Variants in NACA observed in about 807,000 individuals in gnomAD.
The protein encoded by NACA is nascent polypeptide associated complex subunit alpha.
Under a neutral mutation model 86.4 loss-of-function variants are expected in NACA, and 42 were observed. That is an observed-to-expected ratio of 0.49 (90% CI 0.38 to 0.63). The LOEUF (loss-of-function observed/expected upper bound fraction) is 0.63, where lower values mean the gene tolerates loss of function less well. Ranked by LOEUF, NACA falls within the 20% of genes least tolerant of loss-of-function variation. The probability of loss-of-function intolerance (pLI) is 0.00; values close to 1 mark genes in which losing one functional copy is unlikely to be tolerated. For missense variants in NACA, 2,157 were observed against 2,483.6 expected (o/e 0.87, Z 2.80); for synonymous variants, 898 against 973.7 (o/e 0.92, Z 1.45).
At chr12:56,724,883 G>A (rs984092033) in intron 1 of NACA, 8 of 246,438 alleles carry the variant, frequency 3.2e-5, no homozygotes, top group Non-Finnish European at 4.8e-5. Context: ...ACCAGGAGGG[G>A]AAAGACGGTG....
At position 56,719,208 on chromosome 12, in the gene NACA, G is replaced by T; in HGVS notation, c.2322C>A (p.Asp774Glu). The change falls in exon 3 of 9, where the codon GAC becomes GAA. Residue 774 changes from aspartate to glutamate, a missense_variant. Asp to Glu is a conservative substitution (Grantham distance 45). Transcript: ENST00000454682. Reference protein sequence around the residue: ...ASSPKECPTEDSGASATASSK... With the variant: ...ASSPKECPTEESGASATASSK... ...AAGATGCAGTAGCAGAAGCACCAGA[G>T]TCCTCAGTTGGGCACTCTTTGGGAG... 7.4e-6 allele frequency: 11 copies of T among 1,491,492 alleles called. No individual in the cohort carries two copies. Among genetic ancestry groups the T allele is most frequent in the Non-Finnish European group, 9.1e-6 (10 of 1,101,292 alleles). 92.4% of individuals were successfully genotyped at this position (1,491,492 alleles called of 1,614,324 possible). A position where few individuals can be genotyped will look rare whatever the true frequency, so the allele number is the denominator to read the frequency against.
At chr12:56,724,116 G>T (rs375346587) in intron 2 of NACA, among the ~76,000 whole-genome samples, 1 of 152,310 alleles carries the variant, frequency 6.6e-6, no homozygotes. Context: ...TCCTTGGCCT[G>T]TGTCATCTAG....
chr12:56,724,332 C>A lies in NACA; in HGVS notation c.70+120G>T. ...CCAGGATAGTAATTTTACGGTCTAT[C>A]CTCCTTGGTAAAGCTGCAACCCCAT... On this transcript the variant is annotated intron_variant, in intron 2 of 8. Transcript: ENST00000454682. 5.4e-6 allele frequency: 5 copies of A among 923,620 alleles called. No homozygotes were observed. The South Asian group carries it at 8.7e-5, about 16-fold the overall frequency. 57.2% of individuals were successfully genotyped at this position (923,620 alleles called of 1,614,324 possible). A position where few individuals can be genotyped will look rare whatever the true frequency, so the allele number is the denominator to read the frequency against.
At chr12:56,724,669 CTGGGAATAAGAGGTAAATATGATG>C in intron 1 of NACA, 146 bp from the exon 2 acceptor site, 1 of 768,416 alleles carries the variant, frequency 1.3e-6, no homozygotes, top group Non-Finnish European at 2.1e-6. Flanking sequence ...CCCAAAGCAC[CTGGGAATAAGAGGTAAATATGATG>C]TGACCCTCAC....
In NACA at chr12:56,720,679, G is replaced by A. The variant is rs774966977; in HGVS notation, c.851C>T (p.Pro284Leu). 1.9e-6 allele frequency: 3 copies of A among 1,613,954 alleles called. No homozygotes were observed. The highest frequency in any genetic ancestry group is 2.5e-6 in the Non-Finnish European group (3 of 1,179,890). The part of the protein sequence containing the change: ...AALSLSTQSL[P>L]VVTSSQKTAG... ...AGTCTTTTGAGAAGAGGTCACCACA[G>A]GAAGAGACTGAGTTGAAAGAGATAA... The change falls in exon 3 of 9, where the codon CCT (proline) becomes CTT (leucine). Residue 284 changes from proline to leucine, a missense_variant. Coordinates refer to ENST00000454682, the MANE Select transcript of NACA (RefSeq NM_001365896.1).
intron 7 of NACA, 73 bp downstream of exon 7, chr12:56,712,986 GTTT>G: frequency 6.2e-7 from 1 of 1,611,248 alleles, no homozygotes; most frequent in Non-Finnish European, 8.5e-7. Context: ...CCTGAATCTA[GTTT>G]TTAATATAGC....
chr12:56,719,925 T>C lies in NACA; in HGVS notation c.1605A>G (p.Val535=), dbSNP rs200816397. ...KFPTQKDLQT[V]PASLEGAPFS... ...AAGGGGCTCCTTCAAGAGAGGCAGG[T>C]ACAGTTTGGAGGTCTTTTTGTGTTG... The change falls in exon 3 of 9, where the codon GTA becomes GTG. Residue 535 remains valine (V), a synonymous_variant. Coordinates refer to ENST00000454682, the MANE Select transcript of NACA (RefSeq NM_001365896.1). 1.3e-6 allele frequency: 2 copies of C among 1,572,892 alleles called. No individual in the cohort carries two copies. The highest frequency in any genetic ancestry group is 1.7e-6 in the Non-Finnish European group (2 of 1,159,330).
Position 56,724,527 on chromosome 12 carries a change from A to T in NACA, c.-2-4T>A. 1 of 1,611,266 alleles carries T rather than the reference A, an allele frequency of 6.2e-7. No homozygotes were observed. The highest frequency in any genetic ancestry group is 8.5e-7 in the Non-Finnish European group (1 of 1,178,794). On this transcript the variant is annotated splice_region_variant and splice_polypyrimidine_tract_variant and intron_variant, in intron 1 of 8. Transcript: ENST00000454682. The stretch of plus-strand genomic sequence containing the variant: ...TCTGTGGCTTCGCCGGGCATTTCTG[A>T]AGGAAGGGAATAAAAAGGAGGCCTA...
Position 56,720,354 on chromosome 12 carries a change from G to C in NACA, c.1176C>G (p.Thr392=). 3.1e-6 allele frequency: 5 copies of C among 1,613,884 alleles called. No homozygotes were observed. Among genetic ancestry groups the C allele is most frequent in the Non-Finnish European group, 4.2e-6 (5 of 1,179,860 alleles). Residue 392 remains threonine, a synonymous_variant, in exon 3 of 9, where the codon ACC becomes ACG. Transcript: ENST00000454682. ...CATTTAAGGAGCCAGAAGGGCTGCA[G>C]GTTATGCTAGAGATGGTAGAGGGAC... is the stretch of plus-strand genomic sequence containing the variant. The part of the protein sequence containing the change: ...DKGPSTISSI[T]CSPSGSLNVA...
intron 2 of NACA, 64 bp downstream of exon 2, chr12:56,724,388 T>C: frequency 6.6e-7 from 1 of 1,507,872 alleles, no homozygotes; most frequent in Non-Finnish European, 9.0e-7. Context: ...CCCTTGGTCA[T>C]TTTGCCCACC....
intron 6 of NACA, 165 bp downstream of exon 6, chr12:56,713,372 T>C: frequency 8.5e-7 from 1 of 1,181,860 alleles, no homozygotes; most frequent in Non-Finnish European, 1.2e-6. Context: ...AACTAGGGGG[T>C]AGTTAGGTCT....
In NACA at chr12:56,718,902, T is replaced by G. The variant is rs1476571775; in HGVS notation, c.2628A>C (p.Lys876Asn). 7.0e-7 allele frequency: 1 copy of G among 1,432,678 alleles called. No individual in the cohort carries two copies. The highest frequency in any genetic ancestry group is 9.4e-7 in the Non-Finnish European group (1 of 1,064,558). The allele number at this position is 1,432,678 out of a possible 1,614,324, so 88.7% of individuals were successfully genotyped here. Residue 876 changes from lysine (K) to asparagine (N), a missense_variant, in exon 3 of 9, where the codon AAA becomes AAC. Transcript: ENST00000454682. The stretch of plus-strand genomic sequence containing the variant: ...TCTCTTTGGGGGGTAGTGTTACTCC[T>G]TTGGGAGACAGAGGAGTCACAGCTG... The part of the protein sequence containing the change: ...TPSAVTPLSP[K>N]GVTLPPKETP...
rs774210206 is a variant in NACA at position 56,715,941 on chromosome 12, G to A, written c.5589C>T (p.Pro1863=). ...CAGGGATTCCAGCAGATTTAGGGGT[G>A]GGCATGTTGACGAGGACCGACTGGA... ...VPFQSVLVNM[P]TPKSAGIPVP... is the part of the protein sequence containing the mutation. Residue 1863 remains proline, a synonymous_variant, in exon 3 of 9, where the codon CCC becomes CCT. Transcript: ENST00000454682. The A allele has an allele frequency of 2.6e-6, 4 of 1,533,512 alleles. No individual in the cohort carries two copies. In the Admixed American group the frequency reaches 6.3e-5, roughly 24 times the overall value. 95.0% of individuals were successfully genotyped at this position (1,533,512 alleles called of 1,614,324 possible).
rs1953374084 is a variant in NACA, at chr12:56,716,626, C to T, written c.4904G>A (p.Gly1635Glu). The change falls in exon 3 of 9, where the codon GGG becomes GAG. Residue 1635 changes from glycine to glutamate, a missense_variant. Physicochemically the swap from Gly to Glu is moderately conservative, Grantham distance 98. Transcript: ENST00000454682. ...AGTCACAGGTGGGGAAGTGGGAGTC[C>T]CTTTGGGGGCTGGAGTTGCTGGGCC... ...EKGPATPAPK[G>E]TPTSPPVTPS... 2 of 1,447,174 alleles carry T rather than the reference C, an allele frequency of 1.4e-6. No homozygotes were observed. The highest frequency in any genetic ancestry group is 3.7e-5 in the Admixed American group (2 of 54,542). The allele number at this position is 1,447,174 out of a possible 1,614,324, so 89.6% of individuals were successfully genotyped here.
Position 56,720,267 on chromosome 12 carries a change from G to C in NACA, c.1263C>G (p.Ala421=), listed in dbSNP as rs747936397. The C allele has an allele frequency of 7.4e-6, 12 of 1,613,826 alleles. No homozygotes were observed. In the East Asian group the frequency reaches 2.7e-4, roughly 36 times the overall value. ...GGGCCACTAAAGGATAATGATAAGT[G>C]GCATTAGGAGAGCTTTTGAGAATGA... ...TSLILKSSPN[A]TYHYPLVAQM... The change falls in exon 3 of 9, where the codon GCC becomes GCG. Residue 421 remains alanine, a synonymous_variant. Transcript: ENST00000454682.
rs887151970 is a variant in NACA at position 56,716,578 on chromosome 12, G to A, written c.4952C>T (p.Pro1651Leu). The A allele has an allele frequency of 8.2e-6, 12 of 1,456,276 alleles. No homozygotes were observed. The highest frequency in any genetic ancestry group is 4.2e-5 in the African/African-American group (3 of 71,912). 90.2% of individuals were successfully genotyped at this position (1,456,276 alleles called of 1,614,324 possible). A position where few individuals can be genotyped will look rare whatever the true frequency, so the allele number is the denominator to read the frequency against. The part of the protein sequence containing the change: ...PVTPSSLKDS[P>L]TSPASVTCKM... Reference sequence around the variant, plus strand: ...ACATGTGACAGAAGCTGGGGAAGTAGGGGAGTCTTTGAGGGAGGAAGGAGT... The same window carrying A: ...ACATGTGACAGAAGCTGGGGAAGTAAGGGAGTCTTTGAGGGAGGAAGGAGT... Residue 1651 changes from proline (P) to leucine (L), a missense_variant, in exon 3 of 9, where the codon CCT (proline) becomes CTT (leucine). By Grantham distance (98) the Pro-to-Leu change is moderately conservative. Coordinates refer to ENST00000454682, the MANE Select transcript of NACA (RefSeq NM_001365896.1).
Position 56,720,796 on chromosome 12 carries a change from T to C in NACA, c.734A>G (p.Gln245Arg). 1 of 1,613,820 alleles carries C rather than the reference T, an allele frequency of 6.2e-7. No homozygotes were observed. Among genetic ancestry groups the C allele is most frequent in the Admixed American group, 1.7e-5 (1 of 59,998 alleles). The change falls in exon 3 of 9, where the codon CAA becomes CGA. Residue 245 changes from glutamine (Q) to arginine (R), a missense_variant. Gln to Arg is a conservative substitution (Grantham distance 43, BLOSUM62 1). This residue lies in a region of NACA where 947 missense variants were observed against 917.9 expected (regional missense o/e 1.03). Transcript: ENST00000454682. ...TGAGGAAATGGTGGTATCTTTGACTTGAGGGGAAGCGATGGCTAGGGTAGT... is the reference window on the plus strand; with the variant it reads ...TGAGGAAATGGTGGTATCTTTGACTCGAGGGGAAGCGATGGCTAGGGTAGT... Reference protein sequence around the residue: ...PTTTLAIASPQVKDTTISSVL... With the variant: ...PTTTLAIASPRVKDTTISSVL...
Position 56,717,129 on chromosome 12 carries a change from G to A in NACA, c.4401C>T (p.Leu1467=), listed in dbSNP as rs1267598001. The A allele has an allele frequency of 7.8e-7, 1 of 1,283,700 alleles. No homozygotes were observed. Among genetic ancestry groups the A allele is most frequent in the African/African-American group, 1.6e-5 (1 of 64,332 alleles). The allele number at this position is 1,283,700 out of a possible 1,614,324, so 79.5% of individuals were successfully genotyped here. ...ATPSSKGDPT[L]PAVTPPSPKE... ...TGGGGGAAGGAGGAGTCACTGCTGG[G>A]AGGGTGGGATCCCCTTTGGAGGATG... The change falls in exon 3 of 9, where the codon CTC becomes CTT. Residue 1467 remains leucine (L), a synonymous_variant. Coordinates refer to ENST00000454682, the MANE Select transcript of NACA (RefSeq NM_001365896.1).
chr12:56,721,516 G>C, intron 2 of NACA, 57 bp from the exon 3 acceptor site: 4 of 1,218,012 alleles, frequency 3.3e-6, no homozygotes, highest in Non-Finnish European at 4.5e-6. Flanking sequence ...AAAAAGGTGA[G>C]TTATGCAGCC....
Sources: allele counts gnomAD v4.1 joint callset (sites outside exome capture counted in the v4.1 genomes callset), GRCh38; gene constraint gnomAD v4.1.1; regional missense constraint gnomAD v4.1.1; transcripts MANE v1.5; gene names NCBI Gene and HGNC (gene_info 2026-07-23, HGNC 2026-07-21).